PTPRT: variants seen among roughly 807,000 people sequenced by gnomAD.
PTPRT encodes protein tyrosine phosphatase receptor type T.
A neutral mutation model predicts 176.8 loss-of-function variants in PTPRT; 56 were observed. The observed-to-expected ratio is 0.32, with a 90% CI of 0.26 to 0.40. The LOEUF is 0.40. Ranked by LOEUF, PTPRT falls within the 10% of genes least tolerant of loss-of-function variation. PTPRT has a pLI of 1.00. For synonymous variants in PTPRT, 783 were observed against 739.0 expected, an observed-to-expected ratio of 1.06 and a Z score of -0.96; for missense variants, 1,540 against 1,908.2, an observed-to-expected ratio of 0.81 and a Z score of 3.60.
intron 13 of PTPRT, among the ~76,000 whole-genome samples, chr20:42,269,748 T>C (rs1044724163): frequency 6.6e-6 from 1 of 152,222 alleles, no homozygotes; most frequent in Admixed American, 6.5e-5. Context: ...GTGTACGGTC[T>C]ACAACGTAAA....
chr20:42,282,631 G>T, intron 12 of PTPRT, 106 bp from the exon 13 acceptor site: 1 of 827,136 alleles, frequency 1.2e-6, no homozygotes, highest in East Asian at 3.0e-5. Flanking sequence ...TCATGCATAT[G>T]TATTTTTAAT....
At chr20:42,789,687 GAAGAAAAAT>G (rs984983363) in intron 3 of PTPRT, among the ~76,000 whole-genome samples, 1 of 152,058 alleles carries the variant, frequency 6.6e-6, no homozygotes, top group African/African-American at 2.4e-5. Flanking sequence ...AATGCATCAT[GAAGAAAAAT>G]AACATTATTC....
intron 1 of PTPRT, among the ~76,000 whole-genome samples, chr20:43,163,428 C>G (rs1260038463): frequency 3.3e-5 from 5 of 151,976 alleles, no homozygotes; most frequent in African/African-American, 7.2e-5. Context: ...CACGAGGTCA[C>G]GAGATCAAGA....
rs149596637 is a variant in PTPRT, at chr20:42,148,713, G to A, written c.2683-6711C>T. Among the ~76,000 whole-genome samples, 703 of 152,286 alleles carry A rather than the reference G, an allele frequency of 4.6e-3. 3 individuals carry two copies. Among genetic ancestry groups the A allele is most frequent in the African/African-American group, 0.016 (668 of 41,558 alleles). ...CGGAAGACCAACCACAGGCAAGGCC[G>A]CTCTGAGGCCACGATGGAACAAGAC... On this transcript the variant is annotated intron_variant, in intron 17 of 30. Coordinates refer to ENST00000373187, the MANE Select transcript of PTPRT (RefSeq NM_007050.6).
At chr20:43,045,517 TATCTC>T (rs1019171145) in intron 1 of PTPRT, among the ~76,000 whole-genome samples, 1 of 149,110 alleles carries the variant, frequency 6.7e-6, no homozygotes, top group Admixed American at 6.9e-5. Context: ...CCAGCAGTGT[TATCTC>T]AGCTCACTCT....
intron 2 of PTPRT, among the ~76,000 whole-genome samples, chr20:42,824,538 T>C (rs564199731): frequency 8.0e-4 from 121 of 152,152 alleles, no homozygotes; most frequent in East Asian, 9.7e-4. Context: ...TAATTCATGG[T>C]TCTGGAATAC....
At chr20:42,273,274 G>A (rs2056970636) in intron 13 of PTPRT, among the ~76,000 whole-genome samples, 1 of 152,138 alleles carries the variant, frequency 6.6e-6, no homozygotes, top group Non-Finnish European at 1.5e-5. Flanking sequence ...GGAGTGCAAT[G>A]GCATGATCTC....
At chr20:43,019,655 A>G (rs558609910) in intron 1 of PTPRT, among the ~76,000 whole-genome samples, 197 of 149,736 alleles carry the variant, frequency 1.3e-3, no homozygotes, top group African/African-American at 4.7e-3. Context: ...GGACTGCCCC[A>G]GCTGTGTCTG....
intron 22 of PTPRT, among the ~76,000 whole-genome samples, chr20:42,114,421 G>T (rs975257054): frequency 6.6e-6 from 1 of 152,196 alleles, no homozygotes; most frequent in Admixed American, 6.5e-5. Context: ...TGATATAATA[G>T]TAATGATAGA....
chr20:42,116,766 G>A (rs181847697), intron 21 of PTPRT, among the ~76,000 whole-genome samples: 42 of 152,114 alleles, frequency 2.8e-4, no homozygotes, highest in Non-Finnish European at 4.1e-4. Flanking sequence ...TGTAGGTTTC[G>A]GTAATGCACA....
At chr20:42,837,569 C>T (rs946069505) in intron 2 of PTPRT, among the ~76,000 whole-genome samples, 1 of 152,212 alleles carries the variant, frequency 6.6e-6, no homozygotes, top group Non-Finnish European at 1.5e-5. Flanking sequence ...GCTCAAACAG[C>T]TCATGCCTAC....
intron 7 of PTPRT, among the ~76,000 whole-genome samples, chr20:42,487,727 A>C (rs577735324): frequency 3.2e-4 from 48 of 152,174 alleles, no homozygotes; most frequent in Non-Finnish European, 5.7e-4. Flanking sequence ...GAAGGAACAC[A>C]GCCCTGCAGA....
At chr20:42,421,638 T>C (rs775649078) in intron 9 of PTPRT, among the ~76,000 whole-genome samples, 1 of 152,124 alleles carries the variant, frequency 6.6e-6, no homozygotes, top group Non-Finnish European at 1.5e-5. Flanking sequence ...CCCAAAGCAA[T>C]TTATAGGTTC....
intron 7 of PTPRT, among the ~76,000 whole-genome samples, chr20:42,550,110 C>T (rs1474047988): frequency 1.3e-5 from 2 of 152,092 alleles, no homozygotes; most frequent in African/African-American, 4.8e-5. Context: ...ATCGCTTTGT[C>T]TTCTGTACGC....
chr20:42,679,081 C>T (rs893130990), intron 6 of PTPRT, among the ~76,000 whole-genome samples: 2 of 152,196 alleles, frequency 1.3e-5, no homozygotes, highest in African/African-American at 4.8e-5. Context: ...CGTGCATCTA[C>T]TCTGTGCTGC....
chr20:42,523,052 G>A (rs2072205176), intron 7 of PTPRT, among the ~76,000 whole-genome samples: 1 of 152,102 alleles, frequency 6.6e-6, no homozygotes, highest in East Asian at 1.9e-4. Flanking sequence ...GGTTCCTTCT[G>A]AGAGTCCACA....
intron 2 of PTPRT, among the ~76,000 whole-genome samples, chr20:42,832,872 G>A (rs1302042254): frequency 6.7e-6 from 1 of 150,288 alleles, no homozygotes; most frequent in East Asian, 2.0e-4. Flanking sequence ...GGGAGACAGA[G>A]GTGGGAGGAT....
chr20:42,448,798 G>A (rs2070775990), intron 8 of PTPRT, among the ~76,000 whole-genome samples: 1 of 151,406 alleles, frequency 6.6e-6, no homozygotes, highest in East Asian at 2.0e-4. Context: ...CACATTGGAA[G>A]AAGAATTATT....
At chr20:42,171,427 AC>A (rs1192878763) in intron 16 of PTPRT, among the ~76,000 whole-genome samples, 3 of 152,224 alleles carry the variant, frequency 2.0e-5, no homozygotes, top group Admixed American at 2.0e-4. Context: ...AATTGTATTA[AC>A]AAAAACCAGG....
Sources: allele counts gnomAD v4.1 joint callset (sites outside exome capture counted in the v4.1 genomes callset), GRCh38; gene constraint gnomAD v4.1.1; transcripts MANE v1.5; gene names NCBI Gene and HGNC (gene_info 2026-07-23, HGNC 2026-07-21).